Variants in EFR3B observed in about 807,000 individuals in gnomAD.
The protein encoded by EFR3B is EFR3 homolog B.
Under a neutral mutation model 104.7 loss-of-function variants are expected in EFR3B, and 64 were observed. That is an observed-to-expected ratio of 0.61 (90% CI 0.50 to 0.75). EFR3B has a LOEUF of 0.75. Among genes scored for constraint, EFR3B ranks in the 30% least tolerant of loss-of-function variants. The pLI, the probability that EFR3B is intolerant of heterozygous loss-of-function variation, is 0.00. For synonymous variants in EFR3B, 385 were observed against 417.9 expected, an observed-to-expected ratio of 0.92 and a Z score of 0.96; for missense variants, 750 against 1,078.5, an observed-to-expected ratio of 0.70 and a Z score of 4.27.
At chr2:25,073,360 CT>C (rs33951017) in intron 1 of EFR3B, among the ~76,000 whole-genome samples, 301 of 140,818 alleles carry the variant, frequency 2.1e-3, no homozygotes, top group African/African-American at 3.0e-3. Context: ...CTATTTAATA[CT>C]TTTTTTTTTT....
chr2:25,133,779 C>A (rs1166327179), intron 12 of EFR3B, among the ~76,000 whole-genome samples: 2 of 152,226 alleles, frequency 1.3e-5, no homozygotes, highest in Non-Finnish European at 2.9e-5. Context: ...CCCTTTTCCC[C>A]TCTGTGTCCC....
At chr2:25,081,576 C>G in intron 1 of EFR3B, 1 of 885,464 alleles carries the variant, frequency 1.1e-6, no homozygotes, top group Admixed American at 1.7e-5. Flanking sequence ...CATGGTTATT[C>G]AACAATCCAT....
Position 25,131,921 on chromosome 2 carries a change from G to T in EFR3B, c.1147+10G>T. 1 of 1,497,042 alleles carries T rather than the reference G, an allele frequency of 6.7e-7. No individual in the cohort carries two copies. The highest frequency in any genetic ancestry group is 1.3e-5 in the South Asian group (1 of 76,882). 92.7% of individuals were successfully genotyped at this position (1,497,042 alleles called of 1,614,324 possible). On this transcript the variant is annotated intron_variant, in intron 10 of 22. Coordinates refer to ENST00000403714, the MANE Select transcript of EFR3B (RefSeq NM_014971.2). The surrounding 1 kb of genome is among the most constrained non-coding windows in gnomAD (Gnocchi z 7.6). The stretch of plus-strand genomic sequence containing the variant: ...GTCATCAAGACCGTGGGTGCGGCGC[G>T]GGGCCGGGCCGGGGCGGGGCGGGGC...
chr2:25,148,811 A>C (rs1670919895), intron 19 of EFR3B, among the ~76,000 whole-genome samples: 1 of 149,612 alleles, frequency 6.7e-6, no homozygotes, highest in Admixed American at 6.7e-5. Flanking sequence ...AGTCCCAGCT[A>C]CTTGGGAGGC....
chr2:25,052,496 CTTTTTTT>C (rs56005417), intron 1 of EFR3B, among the ~76,000 whole-genome samples: 11 of 95,724 alleles, frequency 1.1e-4, no homozygotes, highest in South Asian at 6.8e-4. Flanking sequence ...AGGCAGAATT[CTTTTTTT>C]TTTTTTTTTT....
intron 1 of EFR3B, among the ~76,000 whole-genome samples, chr2:25,086,216 C>T (rs1246899055): frequency 2.0e-5 from 3 of 152,188 alleles, no homozygotes; most frequent in African/African-American, 4.8e-5. Context: ...CATAAAGCTG[C>T]GGTAAACATC....
intron 4 of EFR3B, among the ~76,000 whole-genome samples, chr2:25,111,384 C>T (rs1669721330): frequency 6.6e-6 from 1 of 151,974 alleles, no homozygotes; most frequent in South Asian, 2.1e-4. Flanking sequence ...TGGGATCGTG[C>T]CCATTTCTCC....
chr2:25,099,718 G>GCTCA (rs1282635034), intron 3 of EFR3B, among the ~76,000 whole-genome samples: 15 of 151,860 alleles, frequency 9.9e-5, no homozygotes. Flanking sequence ...TGCAAAGCTA[G>GCTCA]CTCATGTCTG....
chr2:25,083,577 C>T (rs1300479664), intron 1 of EFR3B, among the ~76,000 whole-genome samples: 2 of 152,084 alleles, frequency 1.3e-5, no homozygotes, highest in Non-Finnish European at 2.9e-5. Context: ...TGTGGGTTCC[C>T]AGCACCCACT....
chr2:25,111,706 G>C (rs1241981996), intron 4 of EFR3B, among the ~76,000 whole-genome samples: 2 of 152,232 alleles, frequency 1.3e-5, no homozygotes, highest in Non-Finnish European at 2.9e-5. Context: ...AGGAGGATCA[G>C]AGTCGGACAG....
At position 25,137,388 on chromosome 2, in the gene EFR3B, A is replaced by G. The variant is rs184283363; in HGVS notation, c.1608A>G (p.Glu536=). The change falls in exon 15 of 23, where the codon GAA becomes GAG. Residue 536 remains glutamate (E), a synonymous_variant. Transcript: ENST00000403714. The surrounding 1 kb of genome is among the most constrained non-coding windows in gnomAD (Gnocchi z 4.7). ...ACATCTACCTGAGCTGCAAGGAGGAAACAAACGTGCAGAAACACTACGAGG... is the reference window on the plus strand; with the variant it reads ...ACATCTACCTGAGCTGCAAGGAGGAGACAAACGTGCAGAAACACTACGAGG... ...YRHIYLSCKE[E]TNVQKHYEAL... is the part of the protein sequence containing the mutation. 3.1e-5 allele frequency: 48 copies of G among 1,551,990 alleles called. No homozygotes were observed. The African/African-American group carries it at 3.8e-4, about 12-fold the overall frequency.
Position 25,143,880 on chromosome 2 carries a change from G to C in EFR3B, c.2050+18G>C. The C allele has an allele frequency of 6.5e-7, 1 of 1,549,712 alleles. No homozygotes were observed. The highest frequency in any genetic ancestry group is 8.7e-7 in the Non-Finnish European group (1 of 1,145,662). On this transcript the variant is annotated intron_variant, in intron 18 of 22. Coordinates refer to ENST00000403714, the MANE Select transcript of EFR3B (RefSeq NM_014971.2). Reference sequence around the variant, plus strand: ...GCTGACAGGTATGAGTTCTGTGCAGGGATGCCCGGGCCTGCCTCTGTCTTT... The same window carrying C: ...GCTGACAGGTATGAGTTCTGTGCAGCGATGCCCGGGCCTGCCTCTGTCTTT...
At position 25,154,564 on chromosome 2, in the gene EFR3B, G is replaced by A; in HGVS notation, c.*224G>A. The A allele has an allele frequency of 5.7e-6, 3 of 526,678 alleles. No individual in the cohort carries two copies. Among genetic ancestry groups the A allele is most frequent in the Non-Finnish European group, 1.0e-5 (3 of 298,304 alleles). 32.6% of individuals were successfully genotyped at this position (526,678 alleles called of 1,614,324 possible). A position where few individuals can be genotyped will look rare whatever the true frequency, so the allele number is the denominator to read the frequency against. ...GGTCTCACCAATCAGCATCTCACCT[G>A]TGCCCTCTTTGTCTTCTCTTGTGTC... On this transcript the variant is annotated 3_prime_UTR_variant, in exon 23 of 23. Transcript: ENST00000403714. This position sits in a 1 kb window ranked among gnomAD's most constrained non-coding sequence, Gnocchi z 4.1.
At position 25,136,586 on chromosome 2, in the gene EFR3B, C is replaced by T; in HGVS notation, c.1548C>T (p.Val516=). 2 of 1,551,310 alleles carry T rather than the reference C, an allele frequency of 1.3e-6. No homozygotes were observed. Among genetic ancestry groups the T allele is most frequent in the Non-Finnish European group, 1.7e-6 (2 of 1,146,806 alleles). The part of the protein sequence containing the change: ...KVDKCSRQDT[V]FMKKHSQQLY... ...ACAAGTGCTCTCGACAGGACACCGT[C>T]TTCATGAAGAAGGTAAACAAGCATG... The change falls in exon 14 of 23, where the codon GTC becomes GTT. Residue 516 remains valine, a synonymous_variant. Coordinates refer to ENST00000403714, the MANE Select transcript of EFR3B (RefSeq NM_014971.2). The surrounding 1 kb of genome is among the most constrained non-coding windows in gnomAD (Gnocchi z 4.0).
intron 1 of EFR3B, among the ~76,000 whole-genome samples, chr2:25,053,412 T>C (rs1467180391): frequency 1.3e-5 from 2 of 151,976 alleles, no homozygotes; most frequent in African/African-American, 4.8e-5. Flanking sequence ...AAAGAAAGCA[T>C]GGGCATGCCT....
intron 20 of EFR3B, among the ~76,000 whole-genome samples, 168 bp from the exon 21 acceptor site, chr2:25,151,746 C>T (rs1408576665): frequency 1.3e-5 from 2 of 152,194 alleles, no homozygotes; most frequent in African/African-American, 2.4e-5. Flanking sequence ...AGGAAGAGGT[C>T]CCACCTTCCA....
In EFR3B at chr2:25,137,758, A is replaced by G. The variant is rs995036781; in HGVS notation, c.1722+256A>G. ...ACCCAGGGAACCGGGTCGTTCAGAA[A>G]CATCCCTTAGCTACTACATGTCAAG... On this transcript the variant is annotated intron_variant, in intron 15 of 22. Coordinates refer to ENST00000403714, the MANE Select transcript of EFR3B (RefSeq NM_014971.2). This position sits in a 1 kb window ranked among gnomAD's most constrained non-coding sequence, Gnocchi z 4.7. 2.0e-5 allele frequency among the ~76,000 whole-genome samples: 3 copies of G among 152,168 alleles called. No individual in the cohort carries two copies. The highest frequency in any genetic ancestry group is 4.4e-5 in the Non-Finnish European group (3 of 68,020).
chr2:25,119,700 A>T (rs371007825), intron 4 of EFR3B, among the ~76,000 whole-genome samples: 1 of 152,238 alleles, frequency 6.6e-6, no homozygotes, highest in Non-Finnish European at 1.5e-5. Flanking sequence ...GGAAGGAAAG[A>T]TCTCCTTATT....
chr2:25,130,678 C>G lies in EFR3B; in HGVS notation c.849+48C>G, dbSNP rs1215522607. On this transcript the variant is annotated intron_variant, in intron 8 of 22. Coordinates refer to ENST00000403714, the MANE Select transcript of EFR3B (RefSeq NM_014971.2). The surrounding 1 kb of genome is among the most constrained non-coding windows in gnomAD (Gnocchi z 4.6). ...GCCGGATCCCAGGACAAAGGCCTCT[C>G]TAGAAGCTAGACGGGTGCTAAAATA... The G allele has an allele frequency of 1.3e-6, 2 of 1,486,460 alleles. No individual in the cohort carries two copies. The allele number at this position is 1,486,460 out of a possible 1,614,324, so 92.1% of individuals were successfully genotyped here. A position where few individuals can be genotyped will look rare whatever the true frequency, so the allele number is the denominator to read the frequency against.
Sources: allele counts gnomAD v4.1 joint callset (sites outside exome capture counted in the v4.1 genomes callset), GRCh38; gene constraint gnomAD v4.1.1; non-coding constraint Gnocchi (gnomAD v3.1); transcripts MANE v1.5; gene names NCBI Gene and HGNC (gene_info 2026-07-23, HGNC 2026-07-21).